Variants in UNC13C observed in about 807,000 individuals in gnomAD.
UNC13C encodes protein unc-13 homolog C.
UNC13C carries 174 observed loss-of-function variants against 245.4 expected under a neutral mutation model. The observed-to-expected ratio is 0.71, with a 90% CI of 0.63 to 0.80. The LOEUF (loss-of-function observed/expected upper bound fraction) is 0.80, where lower values mean the gene tolerates loss of function less well. Ranked by LOEUF, UNC13C falls within the 30% of genes least tolerant of loss-of-function variation. UNC13C has a pLI of 0.00. For missense variants in UNC13C, 2,829 were observed against 2,602.9 expected (o/e 1.09, Z -1.89); for synonymous variants, 992 against 895.1 (o/e 1.11, Z -1.93).
chr15:54,119,537 A>G (rs2030518195), intron 2 of UNC13C, among the ~76,000 whole-genome samples: 1 of 152,104 alleles, frequency 6.6e-6, no homozygotes, highest in Non-Finnish European at 1.5e-5. Flanking sequence ...TGCAGACACA[A>G]CAATATTGAA....
At chr15:54,184,018 T>C (rs1330593292) in intron 4 of UNC13C, among the ~76,000 whole-genome samples, 2 of 152,178 alleles carry the variant, frequency 1.3e-5, no homozygotes, top group Admixed American at 1.3e-4. Flanking sequence ...AGTACAAAAA[T>C]TACTTGAAAT....
chr15:54,479,257 T>C (rs1892964778), intron 19 of UNC13C, among the ~76,000 whole-genome samples: 1 of 152,266 alleles, frequency 6.6e-6, no homozygotes, highest in South Asian at 2.1e-4. Context: ...ATCTGGGTGC[T>C]TTGGTATTGG....
At chr15:54,531,979 A>T (rs1895763272) in intron 25 of UNC13C, among the ~76,000 whole-genome samples, 1 of 152,154 alleles carries the variant, frequency 6.6e-6, no homozygotes, top group Non-Finnish European at 1.5e-5. Flanking sequence ...GCTTTTAAGC[A>T]TATGGTTGAT....
Position 54,546,797 on chromosome 15 carries a change from C to T in UNC13C, c.5772C>T (p.Leu1924=). 6.4e-7 allele frequency: 1 copy of T among 1,572,492 alleles called. No homozygotes were observed. The highest frequency in any genetic ancestry group is 8.6e-7 in the Non-Finnish European group (1 of 1,157,572). Residue 1924 remains leucine (L), a synonymous_variant, in exon 27 of 33, where the codon CTC becomes CTT. Transcript: ENST00000260323. ...RVLKELWKLV[L]NKIEKQIVLP... ...TAAAAGAGTTATGGAAGCTAGTTCT[C>T]AACAAAATAGAAAAACAAATTGTTC... is the stretch of plus-strand genomic sequence containing the variant.
intron 11 of UNC13C, 150 bp from the exon 12 acceptor site, chr15:54,297,661 G>A (rs2037471516): frequency 1.5e-6 from 1 of 665,354 alleles, no homozygotes; most frequent in Non-Finnish European, 2.7e-6. Context: ...GCCTCATCAT[G>A]GTTACTTAAT....
intron 2 of UNC13C, among the ~76,000 whole-genome samples, chr15:54,047,392 G>A (rs530493024): frequency 5.9e-5 from 9 of 151,954 alleles, no homozygotes; most frequent in African/African-American, 1.2e-4. Context: ...CTATGTACCC[G>A]TTAATCAATA....
intron 2 of UNC13C, among the ~76,000 whole-genome samples, chr15:54,016,305 A>T (rs574671194): frequency 6.6e-6 from 1 of 151,234 alleles, no homozygotes; most frequent in Non-Finnish European, 1.5e-5. Context: ...GTGTAATCTT[A>T]AAAAAAAATG....
intron 1 of UNC13C, among the ~76,000 whole-genome samples, chr15:53,984,378 C>T (rs1050292489): frequency 3.9e-5 from 6 of 152,112 alleles, no homozygotes; most frequent in African/African-American, 1.4e-4. Flanking sequence ...GCATCATACA[C>T]TGTCTTATGA....
chr15:54,473,022 C>T (rs1410742869), intron 19 of UNC13C, among the ~76,000 whole-genome samples: 2 of 151,590 alleles, frequency 1.3e-5, no homozygotes, highest in East Asian at 3.9e-4. Flanking sequence ...TCCCCCACCC[C>T]CACATCTAGT....
intron 17 of UNC13C, among the ~76,000 whole-genome samples, chr15:54,388,641 G>T (rs2039887727): frequency 6.6e-6 from 1 of 152,024 alleles, no homozygotes; most frequent in African/African-American, 2.4e-5. Flanking sequence ...ATTCCACATA[G>T]ACTCCGGATC....
At chr15:54,228,792 C>A (rs999332434) in intron 4 of UNC13C, among the ~76,000 whole-genome samples, 1 of 152,150 alleles carries the variant, frequency 6.6e-6, no homozygotes, top group Non-Finnish European at 1.5e-5. Flanking sequence ...AAGTGTCTAT[C>A]CCAGACCTGT....
chr15:54,608,718 G>A (rs1249217566), intron 30 of UNC13C, among the ~76,000 whole-genome samples: 1 of 152,146 alleles, frequency 6.6e-6, no homozygotes, highest in African/African-American at 2.4e-5. Context: ...GAAACACTGA[G>A]GGTTTATTGC....
At chr15:54,559,936 T>C (rs1035143604) in intron 29 of UNC13C, among the ~76,000 whole-genome samples, 11 of 152,136 alleles carry the variant, frequency 7.2e-5, no homozygotes, top group Non-Finnish European at 1.3e-4. Flanking sequence ...ATCTCAACTT[T>C]AGTTTGTCAG....
intron 2 of UNC13C, among the ~76,000 whole-genome samples, chr15:54,125,449 T>C (rs7166824): frequency 0.38 from 58,457 of 151,922 alleles, 11,403 homozygotes; most frequent in African/African-American, 0.42. Context: ...GGCGACAGTG[T>C]GAGATTCCAT....
chr15:54,062,841 C>G (rs1197568810), intron 2 of UNC13C, among the ~76,000 whole-genome samples: 2 of 152,198 alleles, frequency 1.3e-5, no homozygotes, highest in African/African-American at 2.4e-5. Context: ...GCTGCAAATA[C>G]TGGGAACTGA....
the UNC13C span, among the ~76,000 whole-genome samples, chr15:53,854,518 A>C: frequency 6.6e-6 from 1 of 152,172 alleles, no homozygotes; most frequent in Admixed American, 6.6e-5. Flanking sequence ...CATATGGCTA[A>C]GCAGTTCTCC....
intron 25 of UNC13C, among the ~76,000 whole-genome samples, chr15:54,531,566 G>A (rs1022474782): frequency 6.6e-6 from 1 of 152,014 alleles, no homozygotes; most frequent in African/African-American, 2.4e-5. Context: ...CAGCCTGTGA[G>A]GTCAGAGGAA....
At chr15:53,871,768 T>C in the UNC13C span, among the ~76,000 whole-genome samples, 95,055 of 152,048 alleles carry the variant, frequency 0.63, 29,754 homozygotes, top group East Asian at 0.68. Flanking sequence ...CATGCTCGCC[T>C]AGCATCTTGA....
At chr15:54,534,124 AC>A (rs1415456900) in intron 26 of UNC13C, among the ~76,000 whole-genome samples, 1 of 152,216 alleles carries the variant, frequency 6.6e-6, no homozygotes, top group Non-Finnish European at 1.5e-5. Flanking sequence ...CATCGCTGCC[AC>A]CAGCCATTGC....
Sources: gnomAD v4.1 joint callset for allele counts (sites outside exome capture counted in the v4.1 genomes callset) on GRCh38, gnomAD v4.1.1 for gene constraint, MANE v1.5 for transcripts, NCBI Gene and HGNC (gene_info 2026-07-23, HGNC 2026-07-21) for gene names.